Variants in EEA1 observed in about 807,000 individuals in gnomAD.
EEA1 encodes the protein early endosome antigen 1.
A neutral mutation model predicts 209.2 loss-of-function variants in EEA1; 111 were observed. The ratio of observed to expected loss-of-function variants is 0.53; its 90% CI spans 0.45 to 0.62. EEA1 has a LOEUF of 0.62. Ranked by LOEUF, EEA1 falls within the 20% of genes least tolerant of loss-of-function variation. EEA1 has a pLI of 0.00. For synonymous variants in EEA1, 536 were observed against 540.6 expected (o/e 0.99, Z 0.12); for missense variants, 1,343 against 1,530.8 (o/e 0.88, Z 2.05).
intron 1 of EEA1, among the ~76,000 whole-genome samples, chr12:92,916,601 C>CTAG (rs1414239506): frequency 2.9e-5 from 3 of 103,190 alleles, no homozygotes; most frequent in East Asian, 2.0e-4. Context: ...TGCAGTGAGC[C>CTAG]ATCATCAAAG....
At chr12:92,823,416 A>G (rs750525574) in intron 13 of EEA1, among the ~76,000 whole-genome samples, 3 of 152,194 alleles carry the variant, frequency 2.0e-5, no homozygotes, top group Non-Finnish European at 1.5e-5. Flanking sequence ...TTATCCTTGT[A>G]ACTTCTATCT....
At chr12:92,908,633 A>C (rs1880466922) in intron 1 of EEA1, among the ~76,000 whole-genome samples, 1 of 152,140 alleles carries the variant, frequency 6.6e-6, no homozygotes, top group Admixed American at 6.6e-5. Flanking sequence ...AAGAAACAGT[A>C]AAATTAATTC....
At chr12:92,901,364 T>C (rs1179550476) in intron 1 of EEA1, among the ~76,000 whole-genome samples, 1 of 151,922 alleles carries the variant, frequency 6.6e-6, no homozygotes, top group African/African-American at 2.4e-5. Flanking sequence ...AATAAGGTAC[T>C]TCTACATAAA....
intron 2 of EEA1, among the ~76,000 whole-genome samples, chr12:92,865,332 AT>A (rs1421673514): frequency 8.6e-5 from 13 of 151,764 alleles, no homozygotes; most frequent in African/African-American, 3.1e-4. Context: ...AGCTATCCTC[AT>A]TAGTAAAATA....
At chr12:92,789,754 C>G (rs1874312518) in intron 21 of EEA1, among the ~76,000 whole-genome samples, 1 of 152,194 alleles carries the variant, frequency 6.6e-6, no homozygotes, top group Non-Finnish European at 1.5e-5. Flanking sequence ...TCTGACAGCT[C>G]TGAAGAGAGC....
At chr12:92,791,105 C>A (rs1184015688) in intron 21 of EEA1, among the ~76,000 whole-genome samples, 2 of 152,296 alleles carry the variant, frequency 1.3e-5, no homozygotes, top group African/African-American at 4.8e-5. Flanking sequence ...GCCTGCTTTA[C>A]AAGAGCTCCT....
intron 21 of EEA1, among the ~76,000 whole-genome samples, chr12:92,789,837 T>C (rs1419258619): frequency 3.9e-5 from 6 of 152,202 alleles, no homozygotes; most frequent in Non-Finnish European, 1.5e-5. Context: ...CCCTGACCCC[T>C]GAGTAGCCTA....
intron 16 of EEA1, 27 bp downstream of exon 16, chr12:92,812,953 A>C (rs772887782): frequency 3.4e-6 from 5 of 1,452,342 alleles, no homozygotes; most frequent in South Asian, 1.3e-5. Context: ...ACTAGGTGAT[A>C]GTATGAAATT....
chr12:92,811,229 T>A, intron 17 of EEA1, 50 bp downstream of exon 17: 3 of 1,240,008 alleles, frequency 2.4e-6, no homozygotes, highest in Non-Finnish European at 3.2e-6. Context: ...TGAGATTCCA[T>A]TGCTACTGAA....
chr12:92,800,731 C>T (rs953968711), intron 20 of EEA1, among the ~76,000 whole-genome samples: 4 of 152,154 alleles, frequency 2.6e-5, no homozygotes, highest in African/African-American at 9.7e-5. Flanking sequence ...CATATAGACT[C>T]TATCATATAG....
At chr12:92,858,183 G>A (rs897435745) in intron 3 of EEA1, 2 of 677,612 alleles carry the variant, frequency 3.0e-6, no homozygotes, top group African/African-American at 3.5e-5. Context: ...TAAGATCTGT[G>A]ACCAGATCAG....
chr12:92,926,823 C>G (rs372340028), intron 1 of EEA1, among the ~76,000 whole-genome samples: 2 of 152,156 alleles, frequency 1.3e-5, no homozygotes, highest in African/African-American at 4.8e-5. Context: ...GCCCCCGTCC[C>G]TGAAGCTTTT....
At chr12:92,806,664 T>C (rs1875220385) in intron 18 of EEA1, among the ~76,000 whole-genome samples, 1 of 152,162 alleles carries the variant, frequency 6.6e-6, no homozygotes, top group Non-Finnish European at 1.5e-5. Context: ...AACCTGACAA[T>C]GATATTAAAA....
At chr12:92,836,540 T>C (rs1323042968) in intron 10 of EEA1, among the ~76,000 whole-genome samples, 1 of 152,194 alleles carries the variant, frequency 6.6e-6, no homozygotes, top group African/African-American at 2.4e-5. Context: ...TTCCTCAGAA[T>C]AGCTTGGTGA....
At chr12:92,880,754 C>T (rs550491319) in intron 2 of EEA1, among the ~76,000 whole-genome samples, 1 of 152,286 alleles carries the variant, frequency 6.6e-6, no homozygotes, top group East Asian at 1.9e-4. Context: ...GGATTACAAG[C>T]GTGAGCTACC....
intron 2 of EEA1, among the ~76,000 whole-genome samples, chr12:92,867,416 A>AT (rs1289599686): frequency 2.6e-5 from 4 of 152,144 alleles, no homozygotes; most frequent in Non-Finnish European, 4.4e-5. Flanking sequence ...TATATTGTAT[A>AT]TTTATTCACT....
chr12:92,784,916 T>C (rs11834800), intron 22 of EEA1, among the ~76,000 whole-genome samples: 39,103 of 151,690 alleles, frequency 0.26, 5,542 homozygotes, highest in Non-Finnish European at 0.32. Context: ...ATACCAACCT[T>C]GACCCTGATT....
chr12:92,851,412 T>A, intron 8 of EEA1, 146 bp from the exon 9 acceptor site: 1 of 749,428 alleles, frequency 1.3e-6, no homozygotes. Flanking sequence ...ACTGATATCT[T>A]CTCCCACAAT....
chr12:92,815,892 G>A (rs1875755629), intron 15 of EEA1, among the ~76,000 whole-genome samples: 1 of 151,850 alleles, frequency 6.6e-6, no homozygotes, highest in Non-Finnish European at 1.5e-5. Flanking sequence ...GGTGTAGCTT[G>A]AGGACAGAGA....
Sources: gnomAD v4.1 joint callset for allele counts (sites outside exome capture counted in the v4.1 genomes callset) on GRCh38, gnomAD v4.1.1 for gene constraint, MANE v1.5 for transcripts, NCBI Gene and HGNC (gene_info 2026-07-23, HGNC 2026-07-21) for gene names.